The following DGKE variants were observed in gnomAD, a reference collection of about 807,000 sequenced individuals.
The protein encoded by DGKE is DAG kinase epsilon.
DGKE carries 53 observed loss-of-function variants against 70.0 expected under a neutral mutation model. The observed-to-expected ratio is 0.76, with a 90% CI of 0.61 to 0.95. DGKE has a LOEUF of 0.95. Among genes scored for constraint, DGKE ranks in the 40% least tolerant of loss-of-function variants. The pLI is 0.00. For missense variants in DGKE, 655 were observed against 706.9 expected (o/e 0.93, Z 0.83); for synonymous variants, 291 against 257.0 (o/e 1.13, Z -1.27).
In DGKE at chr17:56,845,719, C is replaced by T. The variant is rs767818180; in HGVS notation, c.654C>T (p.Thr218=). Residue 218 remains threonine (T), a synonymous_variant, in exon 4 of 12, where the codon ACC becomes ACT. Coordinates refer to ENST00000284061, the MANE Select transcript of DGKE (RefSeq NM_003647.3). ...VLASKLGKQW[T]PLIILANSRS... ...CCTCTAAGCTTGGAAAGCAGTGGAC[C>T]CCATTAATAATCCTGGCCAACTCTC... is the stretch of plus-strand genomic sequence containing the variant. 10 of 1,611,352 alleles carry T rather than the reference C, an allele frequency of 6.2e-6. No homozygotes were observed. Among genetic ancestry groups the T allele is most frequent in the Non-Finnish European group, 8.5e-6 (10 of 1,178,644 alleles).
intron 3 of DGKE, among the ~76,000 whole-genome samples, chr17:56,844,697 C>G (rs576991906): frequency 1.2e-4 from 18 of 152,042 alleles, no homozygotes; most frequent in African/African-American, 4.3e-4. Flanking sequence ...ATACAGGGTC[C>G]CTAGAGATAA....
chr17:56,856,754 G>A, intron 8 of DGKE, 129 bp downstream of exon 8: 1 of 1,177,326 alleles, frequency 8.5e-7, no homozygotes, highest in Non-Finnish European at 1.1e-6. Context: ...GCTCTGTTTT[G>A]TGTAGGGTTG....
rs1404263029 is a variant in DGKE at position 56,856,599 on chromosome 17, C to T, written c.1186C>T (p.Leu396=). Residue 396 remains leucine, a synonymous_variant, in exon 8 of 12, where the codon CTG becomes TTG. Transcript: ENST00000284061. ...FHAHREKAPS[L]FSSRILNKAV... ...TGCTCATCGTGAGAAGGCACCATCTCTGTTTTCTAGCAGAATTCTTAATAA... is the reference window on the plus strand; with the variant it reads ...TGCTCATCGTGAGAAGGCACCATCTTTGTTTTCTAGCAGAATTCTTAATAA... 6.2e-7 allele frequency: 1 copy of T among 1,613,756 alleles called. No homozygotes were observed.
At chr17:56,860,869 G>A (rs1427917232) in intron 9 of DGKE, among the ~76,000 whole-genome samples, 1 of 152,140 alleles carries the variant, frequency 6.6e-6, no homozygotes, top group East Asian at 1.9e-4. Flanking sequence ...CTAGAGAGAT[G>A]GACAGAAGTC....
Position 56,856,429 on chromosome 17 carries a change from A to T in DGKE, c.1099-83A>T, listed in dbSNP as rs1193762375. The stretch of plus-strand genomic sequence containing the variant: ...AAAGCATCTCCATTGTCAAAAGAAC[A>T]CAAAGACTAAGATTGACATTTAATT... On this transcript the variant is annotated intron_variant, in intron 7 of 11. Transcript: ENST00000284061. The T allele has an allele frequency of 2.1e-6, 3 of 1,423,710 alleles. No individual in the cohort carries two copies. In the African/African-American group the frequency reaches 4.3e-5, roughly 21 times the overall value. The allele number at this position is 1,423,710 out of a possible 1,614,324, so 88.2% of individuals were successfully genotyped here. A position where few individuals can be genotyped will look rare whatever the true frequency, so the allele number is the denominator to read the frequency against.
At chr17:56,862,000 T>C in intron 10 of DGKE, 82 bp downstream of exon 10, 4 of 1,539,364 alleles carry the variant, frequency 2.6e-6, no homozygotes, top group Non-Finnish European at 3.5e-6. Context: ...ACATTTTTCC[T>C]CAAATTTTCT....
At position 56,867,160 on chromosome 17, in the gene DGKE, G is replaced by A. The variant is rs4365350; in HGVS notation, c.*4369G>A. 0.86 allele frequency: 131,084 copies of A among 152,244 alleles called. 56,646 individuals are homozygous for A. The highest frequency in any genetic ancestry group is 0.93 in the East Asian group (4,811 of 5,188). The allele number at this position is 152,244 out of a possible 1,614,324, so 9.4% of individuals were successfully genotyped here. A position where few individuals can be genotyped will look rare whatever the true frequency, so the allele number is the denominator to read the frequency against. Reference sequence around the variant, plus strand: ...CAGTGCATGAGGCTTGCATAGCCCAGAAAGGTACATTCCAGGGTTCTGGGG... The same window carrying A: ...CAGTGCATGAGGCTTGCATAGCCCAAAAAGGTACATTCCAGGGTTCTGGGG... On this transcript the variant is annotated 3_prime_UTR_variant, in exon 12 of 12. Coordinates refer to ENST00000284061, the MANE Select transcript of DGKE (RefSeq NM_003647.3).
Position 56,862,650 on chromosome 17 carries a change from T to G in DGKE, c.1563T>G (p.Asp521Glu). The change falls in exon 12 of 12, where the codon GAT (aspartate) becomes GAG (glutamate). Residue 521 changes from aspartate (D) to glutamate (E), a missense_variant. Physicochemically the swap from Asp to Glu is conservative, Grantham distance 45. Coordinates refer to ENST00000284061, the MANE Select transcript of DGKE (RefSeq NM_003647.3). ...LKCSMMPMQV[D>E]GEPWAQGPCT... The stretch of plus-strand genomic sequence containing the variant: ...GCTCCATGATGCCAATGCAGGTGGA[T>G]GGGGAGCCTTGGGCCCAAGGGCCCT... 1 of 1,584,248 alleles carries G rather than the reference T, an allele frequency of 6.3e-7. No homozygotes were observed. The highest frequency in any genetic ancestry group is 8.5e-7 in the Non-Finnish European group (1 of 1,171,118).
chr17:56,845,816 A>C lies in DGKE; in HGVS notation c.744+7A>C. 6.4e-7 allele frequency: 1 copy of C among 1,566,202 alleles called. No homozygotes were observed. The highest frequency in any genetic ancestry group is 8.6e-7 in the Non-Finnish European group (1 of 1,162,826). On this transcript the variant is annotated splice_region_variant and intron_variant, in intron 4 of 11. Coordinates refer to ENST00000284061, the MANE Select transcript of DGKE (RefSeq NM_003647.3). The stretch of plus-strand genomic sequence containing the variant: ...CTTGTTGAATCCAGTCCAGGTAACT[A>C]AAGAAAAAAACTTTTTATATTAATG...
In DGKE at chr17:56,862,675, T is replaced by G. The variant is rs986908475; in HGVS notation, c.1588T>G (p.Cys530Gly). The G allele has an allele frequency of 6.2e-7, 1 of 1,609,218 alleles. No homozygotes were observed. Among genetic ancestry groups the G allele is most frequent in the African/African-American group, 1.3e-5 (1 of 74,696 alleles). ...VDGEPWAQGPCTVTITHKTHA... is the reference protein window; with the variant it reads ...VDGEPWAQGPGTVTITHKTHA... ...TGGGGAGCCTTGGGCCCAAGGGCCC[T>G]GCACTGTCACCATAACTCACAAGAC... Residue 530 changes from cysteine to glycine, a missense_variant, in exon 12 of 12, where the codon TGC (cysteine) becomes GGC (glycine). Coordinates refer to ENST00000284061, the MANE Select transcript of DGKE (RefSeq NM_003647.3).
intron 4 of DGKE, chr17:56,847,653 T>C (rs774333662): frequency 5.6e-5 from 10 of 178,210 alleles, no homozygotes; most frequent in South Asian, 1.8e-4. Flanking sequence ...AGCACTTAAT[T>C]ACCTGGACAA....
At position 56,864,812 on chromosome 17, in the gene DGKE, C is replaced by T. The variant is rs1228148186; in HGVS notation, c.*2021C>T. 6.6e-6 allele frequency: 1 copy of T among 152,098 alleles called. No homozygotes were observed. The highest frequency in any genetic ancestry group is 1.5e-5 in the Non-Finnish European group (1 of 67,996). The allele number at this position is 152,098 out of a possible 1,614,324, so 9.4% of individuals were successfully genotyped here. Reference sequence around the variant, plus strand: ...ACGAAAATAATCACAATAACTAATACAGCTTTTTAATTGTGAAAACTACAA... The same window carrying T: ...ACGAAAATAATCACAATAACTAATATAGCTTTTTAATTGTGAAAACTACAA... On this transcript the variant is annotated 3_prime_UTR_variant, in exon 12 of 12. Transcript: ENST00000284061.
chr17:56,848,559 A>G, intron 5 of DGKE, 137 bp from the exon 6 acceptor site: 1 of 796,048 alleles, frequency 1.3e-6, no homozygotes, highest in Non-Finnish European at 1.9e-6. Flanking sequence ...TTAAGCAATT[A>G]GCACAAGCTT....
chr17:56,856,868 G>C (rs1437231751), intron 8 of DGKE, among the ~76,000 whole-genome samples: 1 of 151,984 alleles, frequency 6.6e-6, no homozygotes, highest in African/African-American at 2.4e-5. Flanking sequence ...GGAGGCGGAG[G>C]CAGGTGGATC....
intron 7 of DGKE, among the ~76,000 whole-genome samples, chr17:56,852,564 G>A (rs1041412247): frequency 6.6e-6 from 1 of 152,068 alleles, no homozygotes; most frequent in Admixed American, 6.5e-5. Context: ...TTGAAGCCTT[G>A]TAGAACTATA....
At chr17:56,849,417 G>T (rs1372785543) in intron 7 of DGKE, among the ~76,000 whole-genome samples, 185 bp downstream of exon 7, 4 of 152,194 alleles carry the variant, frequency 2.6e-5, no homozygotes, top group Admixed American at 2.0e-4. Context: ...CAGGGTGCAG[G>T]TATGCTTAGT....
intron 11 of DGKE, 104 bp downstream of exon 11, chr17:56,862,355 G>A (rs1247977907): frequency 3.8e-6 from 4 of 1,065,818 alleles, no homozygotes; most frequent in East Asian, 2.6e-5. Flanking sequence ...AGTGGTTTAT[G>A]GCTCATGCAG....
rs1908373786 is a variant in DGKE at position 56,862,793 on chromosome 17, TG to T, written c.*4del. 6.5e-7 allele frequency: 1 copy of T among 1,544,326 alleles called. No individual in the cohort carries two copies. Among genetic ancestry groups the T allele is most frequent in the Non-Finnish European group, 8.7e-7 (1 of 1,154,700 alleles). On this transcript the variant is annotated 3_prime_UTR_variant, in exon 12 of 12. Coordinates refer to ENST00000284061, the MANE Select transcript of DGKE (RefSeq NM_003647.3). ...GAAGATATAAAGGCGACTGAATAGA[TG>T]GATGAGGGAGTGAAAACTTTGCATA...
At chr17:56,837,044 G>T (rs1310812438) in intron 2 of DGKE, among the ~76,000 whole-genome samples, 1 of 152,036 alleles carries the variant, frequency 6.6e-6, no homozygotes, top group Non-Finnish European at 1.5e-5. Flanking sequence ...TATCTCAGTG[G>T]TTCTCAAAGT....
Sources: gnomAD v4.1 joint callset for allele counts (sites outside exome capture counted in the v4.1 genomes callset) on GRCh38, gnomAD v4.1.1 for gene constraint, MANE v1.5 for transcripts, NCBI Gene and HGNC (gene_info 2026-07-23, HGNC 2026-07-21) for gene names.